Variants in HS3ST1 observed in about 807,000 individuals in gnomAD.
The protein encoded by HS3ST1 is heparan sulfate glucosamine 3-O-sulfotransferase 1.
Under a neutral mutation model 20.7 loss-of-function variants are expected in HS3ST1, and 8 were observed. The observed-to-expected ratio is 0.39, with a 90% CI of 0.23 to 0.70. The LOEUF (loss-of-function observed/expected upper bound fraction) is 0.70, where lower values mean the gene tolerates loss of function less well. HS3ST1 is among the 30% of genes least tolerant of loss of function. The probability of loss-of-function intolerance (pLI) is 0.46; values close to 1 mark genes in which losing one functional copy is unlikely to be tolerated. For missense variants in HS3ST1, 436 were observed against 423.4 expected (o/e 1.03, Z -0.26); for synonymous variants, 205 against 190.4 (o/e 1.08, Z -0.63).
At chr4:11,419,168 C>T (rs1718861223) in intron 1 of HS3ST1, among the ~76,000 whole-genome samples, 1 of 151,758 alleles carries the variant, frequency 6.6e-6, no homozygotes, top group South Asian at 2.1e-4. Flanking sequence ...TCCCTCTATC[C>T]ATCTTGCCTT....
In HS3ST1 at chr4:11,398,895, C is replaced by A; in HGVS notation, c.*187G>T. On this transcript the variant is annotated 3_prime_UTR_variant, in exon 2 of 2. Coordinates refer to ENST00000002596, the MANE Select transcript of HS3ST1 (RefSeq NM_005114.4). ...CAACCATGAAAAACAATACAAAATG[C>A]CCTCCATTTAACAAGTAGAAAAATA... 1.9e-6 allele frequency: 1 copy of A among 522,892 alleles called. No homozygotes were observed. The highest frequency in any genetic ancestry group is 3.3e-6 in the Non-Finnish European group (1 of 302,882). 32.4% of individuals were successfully genotyped at this position (522,892 alleles called of 1,614,324 possible).
At chr4:11,421,238 A>G (rs1360104938) in intron 1 of HS3ST1, among the ~76,000 whole-genome samples, 3 of 152,212 alleles carry the variant, frequency 2.0e-5, no homozygotes, top group African/African-American at 7.2e-5. Context: ...GAGTGACACA[A>G]CTAGTGAGAA....
At position 11,399,308 on chromosome 4, in the gene HS3ST1, C is replaced by G; in HGVS notation, c.698G>C (p.Arg233Thr). 5.0e-6 allele frequency: 8 copies of G among 1,614,108 alleles called. No individual in the cohort carries two copies. The highest frequency in any genetic ancestry group is 1.3e-5 in the African/African-American group (1 of 75,002). Residue 233 changes from arginine to threonine, a missense_variant, in exon 2 of 2, where the codon AGG becomes ACG. By Grantham distance (71) the Arg-to-Thr change is moderately conservative (BLOSUM62 -1). Coordinates refer to ENST00000002596, the MANE Select transcript of HS3ST1 (RefSeq NM_005114.4). The surrounding 1 kb of genome is among the most constrained non-coding windows in gnomAD (Gnocchi z 5.1). ...DPFPEIQKVE[R>T]FLKLSPQINA... Reference sequence around the variant, plus strand: ...GATCTGCGGCGACAGCTTTAGGAACCTCTCGACCTTTTGGATCTCAGGGAA... The same window carrying G: ...GATCTGCGGCGACAGCTTTAGGAACGTCTCGACCTTTTGGATCTCAGGGAA...
chr4:11,412,930 C>T (rs1718676658), intron 1 of HS3ST1, among the ~76,000 whole-genome samples: 1 of 152,116 alleles, frequency 6.6e-6, no homozygotes, highest in Non-Finnish European at 1.5e-5. Flanking sequence ...AGGGTGAAGA[C>T]GTCATGAATG....
chr4:11,405,731 G>T (rs573045787), intron 1 of HS3ST1, among the ~76,000 whole-genome samples: 32 of 152,150 alleles, frequency 2.1e-4, no homozygotes, highest in African/African-American at 7.7e-4. Flanking sequence ...GTGATTGGGC[G>T]ACATCACCTG....
intron 1 of HS3ST1, among the ~76,000 whole-genome samples, chr4:11,408,554 G>A (rs926769546): frequency 6.6e-6 from 1 of 152,240 alleles, no homozygotes; most frequent in Non-Finnish European, 1.5e-5. Flanking sequence ...ATGATGAGCA[G>A]CCAGGTGTGT....
At chr4:11,423,049 A>AAAG (rs1560237599) in intron 1 of HS3ST1, among the ~76,000 whole-genome samples, 1 of 149,488 alleles carries the variant, frequency 6.7e-6, no homozygotes, top group Admixed American at 6.7e-5. Context: ...AAAAAAAAAA[A>AAAG]GTGCTGAACG....
At chr4:11,428,362 C>A (rs930739292) in intron 1 of HS3ST1, 1 of 152,336 alleles carries the variant, frequency 6.6e-6, no homozygotes, top group Non-Finnish European at 1.5e-5. Context: ...TATGGTGAAG[C>A]TGCGGTCGCG....
intron 1 of HS3ST1, among the ~76,000 whole-genome samples, chr4:11,406,643 G>A (rs938859783): frequency 6.6e-6 from 1 of 152,140 alleles, no homozygotes; most frequent in African/African-American, 2.4e-5. Flanking sequence ...GTGTGCTTTT[G>A]TCCCCTTTGA....
chr4:11,399,767 A>G lies in HS3ST1; in HGVS notation c.239T>C (p.Val80Ala). Residue 80 changes from valine (V) to alanine (A), a missense_variant, in exon 2 of 2, where the codon GTG (valine) becomes GCG (alanine). Coordinates refer to ENST00000002596, the MANE Select transcript of HS3ST1 (RefSeq NM_005114.4). This position sits in a 1 kb window ranked among gnomAD's most constrained non-coding sequence, Gnocchi z 5.1. ...LLEMLSLHPDVAAAENEVHFF... is the reference protein window; with the variant it reads ...LLEMLSLHPDAAAAENEVHFF... The stretch of plus-strand genomic sequence containing the variant: ...GTGGACCTCGTTCTCCGCGGCCGCC[A>G]CGTCGGGGTGCAGGCTGAGCATCTC... The G allele has an allele frequency of 6.2e-7, 1 of 1,613,722 alleles. No homozygotes were observed. Among genetic ancestry groups the G allele is most frequent in the Non-Finnish European group, 8.5e-7 (1 of 1,180,006 alleles).
At chr4:11,408,927 C>T (rs1383893897) in intron 1 of HS3ST1, among the ~76,000 whole-genome samples, 2 of 152,246 alleles carry the variant, frequency 1.3e-5, no homozygotes, top group Non-Finnish European at 2.9e-5. Flanking sequence ...GGACAGTCAT[C>T]TGTCACCCTG....
chr4:11,412,005 C>G (rs1718650524), intron 1 of HS3ST1, among the ~76,000 whole-genome samples: 1 of 152,162 alleles, frequency 6.6e-6, no homozygotes, highest in South Asian at 2.1e-4. Context: ...GGAGGTGTGA[C>G]TGTGTGAACT....
intron 1 of HS3ST1, among the ~76,000 whole-genome samples, chr4:11,412,765 A>G (rs1378877552): frequency 6.6e-6 from 1 of 152,198 alleles, no homozygotes; most frequent in Non-Finnish European, 1.5e-5. Context: ...TCTATGAAGA[A>G]TGCTTAACCA....
intron 1 of HS3ST1, among the ~76,000 whole-genome samples, chr4:11,421,297 A>G (rs1718928120): frequency 6.6e-6 from 1 of 152,194 alleles, no homozygotes. Flanking sequence ...ATGCTCTTTC[A>G]ACCACAAAAT....
chr4:11,412,879 T>C (rs893441327), intron 1 of HS3ST1, among the ~76,000 whole-genome samples: 1 of 152,142 alleles, frequency 6.6e-6, no homozygotes, highest in Non-Finnish European at 1.5e-5. Flanking sequence ...CCCATCATGA[T>C]GGTATTGGAG....
upstream of HS3ST1, among the ~76,000 whole-genome samples, chr4:11,432,057 C>T (rs1719215893): frequency 1.3e-5 from 2 of 152,148 alleles, no homozygotes; most frequent in African/African-American, 4.8e-5. Flanking sequence ...AAACTAGACT[C>T]CTAGTCTAGT....
rs780657270 is a variant in HS3ST1 at position 11,399,862 on chromosome 4, G to A, written c.144C>T (p.Asn48=). Residue 48 remains asparagine (N), a synonymous_variant, in exon 2 of 2, where the codon AAC becomes AAT. Transcript: ENST00000002596. The surrounding 1 kb of genome is among the most constrained non-coding windows in gnomAD (Gnocchi z 5.1). Reference sequence around the variant, plus strand: ...TCTGCGGCAACTGCTGGGCAGAGCCGTTTGGGGCCACGCCATCGCGGACGT... The same window carrying A: ...TCTGCGGCAACTGCTGGGCAGAGCCATTTGGGGCCACGCCATCGCGGACGT... ...QDDVRDGVAP[N]GSAQQLPQTI... The A allele has an allele frequency of 1.7e-5, 27 of 1,612,636 alleles. No individual in the cohort carries two copies. Among genetic ancestry groups the A allele is most frequent in the Non-Finnish European group, 2.3e-5 (27 of 1,179,826 alleles).
chr4:11,424,164 C>G (rs1040873254), intron 1 of HS3ST1, among the ~76,000 whole-genome samples: 4 of 152,122 alleles, frequency 2.6e-5, no homozygotes, highest in Admixed American at 2.6e-4. Context: ...AAGTCCTGTT[C>G]CACTCAAGCT....
Position 11,403,485 on chromosome 4 carries a change from C to G in HS3ST1, c.-108-3372G>C, listed in dbSNP as rs201198299. ...GTCACTTAGTCCCTGCCTTTCACAC[C>G]CCAAGATGACTTGCCCAGTGTCACA... On this transcript the variant is annotated intron_variant, in intron 1 of 1. Transcript: ENST00000002596. Among the ~76,000 whole-genome samples, 14 of 152,284 alleles carry G rather than the reference C, an allele frequency of 9.2e-5. No individual in the cohort carries two copies. The East Asian group carries it at 2.5e-3, about 27-fold the overall frequency.
Sources: allele counts gnomAD v4.1 joint callset (sites outside exome capture counted in the v4.1 genomes callset), GRCh38; gene constraint gnomAD v4.1.1; non-coding constraint Gnocchi (gnomAD v3.1); transcripts MANE v1.5; gene names NCBI Gene and HGNC (gene_info 2026-07-23, HGNC 2026-07-21).